IFT172: variants seen among roughly 807,000 people sequenced by gnomAD.
IFT172 encodes the protein intraflagellar transport protein 172 homolog.
In IFT172, 164 loss-of-function variants were observed where a neutral mutation model predicts 248.9. The ratio of observed to expected loss-of-function variants is 0.66; its 90% CI spans 0.58 to 0.75. The LOEUF (loss-of-function observed/expected upper bound fraction) is 0.75, where lower values mean the gene tolerates loss of function less well. IFT172 is among the 30% of genes least tolerant of loss of function. The probability of loss-of-function intolerance (pLI) is 0.00; values close to 1 mark genes in which losing one functional copy is unlikely to be tolerated. For missense variants in IFT172, 1,950 were observed against 2,192.4 expected (o/e 0.89, Z 2.21); for synonymous variants, 729 against 791.6 (o/e 0.92, Z 1.33).
intron 16 of IFT172, among the ~76,000 whole-genome samples, chr2:27,467,420 A>G (rs1667172625): frequency 2.4e-5 from 1 of 42,156 alleles, no homozygotes; most frequent in Non-Finnish European, 4.1e-5. Flanking sequence ...AGAAAATTGA[A>G]AAAAAAAAAA....
rs1261651716 is a variant in IFT172, at chr2:27,461,107, C to T, written c.2443-14G>A. ...GAGATCACCTGCCTGTTAACACATA[C>T]CACATTACTATGATACCCCTACAAC... On this transcript the variant is annotated splice_polypyrimidine_tract_variant and intron_variant, in intron 22 of 47. Coordinates refer to ENST00000260570, the MANE Select transcript of IFT172 (RefSeq NM_015662.3). 1 of 1,614,114 alleles carries T rather than the reference C, an allele frequency of 6.2e-7. No homozygotes were observed. Among genetic ancestry groups the T allele is most frequent in the South Asian group, 1.1e-5 (1 of 91,084 alleles).
rs1667020470 is a variant in IFT172 at position 27,465,528 on chromosome 2, G to A, written c.1830-10C>T. ...TAAGAAGGCTGTTGCCCTGGAAAGG[G>A]AAGGAAGCAAAGCATAATGAATGAG... On this transcript the variant is annotated splice_polypyrimidine_tract_variant and intron_variant, in intron 17 of 47. Coordinates refer to ENST00000260570, the MANE Select transcript of IFT172 (RefSeq NM_015662.3). The A allele has an allele frequency of 1.2e-6, 2 of 1,612,890 alleles. No individual in the cohort carries two copies. The highest frequency in any genetic ancestry group is 1.7e-6 in the Non-Finnish European group (2 of 1,178,868).
chr2:27,444,827 T>C (rs1255837991), intron 47 of IFT172, among the ~76,000 whole-genome samples, 187 bp downstream of exon 47: 3 of 152,196 alleles, frequency 2.0e-5, no homozygotes, highest in African/African-American at 7.2e-5. Context: ...TTTGTATTTT[T>C]AGTAGAGACG....
At position 27,457,590 on chromosome 2, in the gene IFT172, G is replaced by A. The variant is rs747318383; in HGVS notation, c.3228+49C>T. On this transcript the variant is annotated intron_variant, in intron 29 of 47. Coordinates refer to ENST00000260570, the MANE Select transcript of IFT172 (RefSeq NM_015662.3). ...ACCCTTTCTGAAAAAAAGGAAAAAC[G>A]TGGGAAAGAAGGATGGATGTATCCC... 63 of 1,515,258 alleles carry A rather than the reference G, an allele frequency of 4.2e-5. No individual in the cohort carries two copies. In the Admixed American group the frequency reaches 6.5e-4, roughly 16 times the overall value. 93.9% of individuals were successfully genotyped at this position (1,515,258 alleles called of 1,614,324 possible).
chr2:27,484,387 C>G (rs1050619732), intron 3 of IFT172, 121 bp from the exon 4 acceptor site: 2 of 931,544 alleles, frequency 2.1e-6, no homozygotes, highest in Admixed American at 1.9e-5. Flanking sequence ...GTCAGGAGAT[C>G]GAGACCATCC....
rs182740900 is a variant in IFT172 at position 27,474,677 on chromosome 2, G to A, written c.1411+1964C>T. ...AGTGATTCTCCTGCCTCAGCCTCCC[G>A]AGTAGCTGGGATTACAGGTGCCCTC... On this transcript the variant is annotated intron_variant, in intron 14 of 47. Coordinates refer to ENST00000260570, the MANE Select transcript of IFT172 (RefSeq NM_015662.3). Among the ~76,000 whole-genome samples the A allele has an allele frequency of 9.9e-5, 15 of 152,088 alleles. No individual in the cohort carries two copies. The East Asian group carries it at 2.7e-3, about 27-fold the overall frequency.
intron 15 of IFT172, 94 bp from the exon 16 acceptor site, chr2:27,471,189 TAACC>T: frequency 8.1e-7 from 1 of 1,236,214 alleles, no homozygotes; most frequent in Non-Finnish European, 1.2e-6. Flanking sequence ...TGTGGTGAGC[TAACC>T]CACCACTCAG....
At chr2:27,477,682 G>T in intron 11 of IFT172, 70 bp from the exon 12 acceptor site, 1 of 1,095,550 alleles carries the variant, frequency 9.1e-7, no homozygotes, top group Non-Finnish European at 1.4e-6. Context: ...AATGAAGAAT[G>T]ACAGGTTGGG....
At chr2:27,473,406 TA>T (rs1667728625) in intron 14 of IFT172, among the ~76,000 whole-genome samples, 1 of 144,406 alleles carries the variant, frequency 6.9e-6, no homozygotes, top group East Asian at 2.1e-4. Context: ...GATAAAGCCG[TA>T]TTTTTTTTTT....
chr2:27,484,153 G>A (rs1343554504), intron 4 of IFT172, 74 bp downstream of exon 4: 3 of 1,579,160 alleles, frequency 1.9e-6, no homozygotes, highest in Non-Finnish European at 1.7e-6. Context: ...TGCAACTCCT[G>A]GCTGTATTTA....
intron 3 of IFT172, 56 bp from the exon 4 acceptor site, chr2:27,484,322 T>C (rs1248475497): frequency 6.3e-7 from 1 of 1,593,460 alleles, no homozygotes; most frequent in Non-Finnish European, 8.6e-7. Flanking sequence ...CCGGGCGTGG[T>C]GGCTCATGCC....
intron 35 of IFT172, among the ~76,000 whole-genome samples, chr2:27,452,766 A>AG (rs1665785391): frequency 6.6e-6 from 1 of 152,236 alleles, no homozygotes; most frequent in Non-Finnish European, 1.5e-5. Context: ...CCAAAGTGCT[A>AG]GAATTATAGG....
intron 30 of IFT172, among the ~76,000 whole-genome samples, chr2:27,456,024 C>T (rs914298771): frequency 3.9e-5 from 6 of 151,962 alleles, no homozygotes; most frequent in Non-Finnish European, 8.8e-5. Flanking sequence ...CCATCCTGGC[C>T]AACATGGTGA....
Position 27,454,333 on chromosome 2 carries a change from G to T in IFT172, c.3530+21C>A. On this transcript the variant is annotated intron_variant, in intron 32 of 47. Coordinates refer to ENST00000260570, the MANE Select transcript of IFT172 (RefSeq NM_015662.3). This position sits in a 1 kb window ranked among gnomAD's most constrained non-coding sequence, Gnocchi z 4.2. ...ACGGTGACTGGGGAAACAGTATTAA[G>T]GAATGTATGGGGTAACTCACATGAG... 1 of 1,613,976 alleles carries T rather than the reference G, an allele frequency of 6.2e-7. No individual in the cohort carries two copies. The highest frequency in any genetic ancestry group is 1.1e-5 in the South Asian group (1 of 91,074).
chr2:27,457,998 G>T (rs746607751), intron 27 of IFT172, 22 bp from the exon 28 acceptor site: 75 of 1,613,902 alleles, frequency 4.6e-5, no homozygotes, highest in Non-Finnish European at 5.9e-5. Context: ...GATACATCTG[G>T]GGCCTCCTAG....
At chr2:27,477,752 A>G in intron 11 of IFT172, 140 bp from the exon 12 acceptor site, 1 of 787,038 alleles carries the variant, frequency 1.3e-6, no homozygotes, top group Non-Finnish European at 2.1e-6. Context: ...CTGTATCAGA[A>G]TCTGCTCTGG....
Position 27,477,583 on chromosome 2 carries a change from C to T in IFT172, c.1197G>A (p.Glu399=), listed in dbSNP as rs2148543008. ...EIAWQGSGGN[E]KYFFENENVC... ...CATTCTCATTTTCAAAGAAATACTT[C>T]TCATTGCCACCAGATCCTTGCCAGG... The change falls in exon 12 of 48, where the codon GAG becomes GAA. Residue 399 remains glutamate, a synonymous_variant. Transcript: ENST00000260570. 1 of 1,610,902 alleles carries T rather than the reference C, an allele frequency of 6.2e-7. No homozygotes were observed. Among genetic ancestry groups the T allele is most frequent in the Admixed American group, 1.7e-5 (1 of 60,020 alleles).
chr2:27,484,122 G>A (rs1668578908), intron 4 of IFT172, 105 bp downstream of exon 4: 1 of 1,506,734 alleles, frequency 6.6e-7, no homozygotes, highest in Admixed American at 1.7e-5. Context: ...AGTAGGAAAA[G>A]TCACATTCAG....
rs1226558570 is a variant in IFT172, at chr2:27,483,654, A to G, written c.408T>C (p.Arg136=). The G allele has an allele frequency of 6.2e-7, 1 of 1,614,176 alleles. No individual in the cohort carries two copies. The change falls in exon 6 of 48, where the codon CGT becomes CGC. Residue 136 remains arginine, a synonymous_variant. Coordinates refer to ENST00000260570, the MANE Select transcript of IFT172 (RefSeq NM_015662.3). ...IVFGLAEGKV[R]LANTKTNKSS... ...ATTTATTAGTTTTGGTGTTTGCTAA[A>G]CGAACCTGAAAATGGAAAAATTGAT...
Sources: allele counts gnomAD v4.1 joint callset (sites outside exome capture counted in the v4.1 genomes callset), GRCh38; gene constraint gnomAD v4.1.1; non-coding constraint Gnocchi (gnomAD v3.1); transcripts MANE v1.5; gene names NCBI Gene and HGNC (gene_info 2026-07-23, HGNC 2026-07-21).